The following STARD13 variants were observed in gnomAD, a reference collection of about 807,000 sequenced individuals.
STARD13 encodes stAR-related lipid transfer protein 13.
A neutral mutation model predicts 106.4 loss-of-function variants in STARD13; 62 were observed. The ratio of observed to expected loss-of-function variants is 0.58; its 90% confidence interval spans 0.48 to 0.72. The LOEUF (loss-of-function observed/expected upper bound fraction) is 0.72. Ranked by LOEUF, STARD13 falls within the 30% of genes least tolerant of loss-of-function variation. STARD13 has a pLI of 0.00. For synonymous variants in STARD13, 565 were observed against 553.0 expected (o/e 1.02, Z -0.31); for missense variants, 1,387 against 1,424.0 (o/e 0.97, Z 0.42).
rs139682637 is a variant in STARD13, at chr13:33,160,423, T to G, written c.323+4914A>C. Reference sequence around the variant, plus strand: ...TTAGATATGACATTAAAAGCATAAATAAAAATAGGTAAAACTGGACTTCAG... The same window carrying G: ...TTAGATATGACATTAAAAGCATAAAGAAAAATAGGTAAAACTGGACTTCAG... On this transcript the variant is annotated intron_variant, in intron 3 of 13. Coordinates refer to ENST00000336934, the MANE Select transcript of STARD13 (RefSeq NM_178006.4). Among the ~76,000 whole-genome samples, 211 of 152,116 alleles carry G rather than the reference T, an allele frequency of 1.4e-3. 1 individual carries two copies. The highest frequency in any genetic ancestry group is 4.9e-3 in the African/African-American group (205 of 41,514).
chr13:33,230,794 C>T (rs896406955), intron 1 of STARD13, among the ~76,000 whole-genome samples: 3 of 152,198 alleles, frequency 2.0e-5, no homozygotes, highest in African/African-American at 4.8e-5. Context: ...GCAAAGTACT[C>T]TTAAGTACCC....
chr13:33,393,401 G>T, the STARD13 span, among the ~76,000 whole-genome samples: 1 of 152,188 alleles, frequency 6.6e-6, no homozygotes, highest in Admixed American at 6.5e-5. Context: ...TGTCAGCATG[G>T]TGTAGTGGGC....
At chr13:33,372,726 TCA>T in the STARD13 span, among the ~76,000 whole-genome samples, 1 of 151,608 alleles carries the variant, frequency 6.6e-6, no homozygotes, top group Non-Finnish European at 1.5e-5. Context: ...TGAAAATAAA[TCA>T]CAAAGCAAAA....
intron 3 of STARD13, among the ~76,000 whole-genome samples, chr13:33,152,400 C>T (rs1473812): frequency 0.39 from 57,439 of 146,912 alleles, 11,095 homozygotes; most frequent in Middle Eastern, 0.42. Flanking sequence ...CTGCTAACCC[C>T]GAGGCTTCAG....
chr13:33,333,853 C>A (rs1218346449), intron 1 of STARD13: 2 of 152,142 alleles, frequency 1.3e-5, no homozygotes, highest in Non-Finnish European at 2.9e-5. Context: ...GAATGAGTGG[C>A]CAAGTATGAT....
chr13:33,218,834 C>G (rs570428027), intron 1 of STARD13, among the ~76,000 whole-genome samples: 2 of 152,250 alleles, frequency 1.3e-5, no homozygotes, highest in South Asian at 4.1e-4. Context: ...ATTAAAAAGA[C>G]AGGGAAGGAT....
intron 5 of STARD13, among the ~76,000 whole-genome samples, chr13:33,128,112 A>T (rs1268834718): frequency 6.6e-6 from 1 of 151,942 alleles, no homozygotes; most frequent in Non-Finnish European, 1.5e-5. Context: ...GAGAGAGGGA[A>T]GACAGAGATA....
the STARD13 span, among the ~76,000 whole-genome samples, chr13:33,640,106 C>G: frequency 6.6e-6 from 1 of 152,120 alleles, no homozygotes; most frequent in Non-Finnish European, 1.5e-5. Flanking sequence ...AGATATTCTC[C>G]TTGTGCTTCT....
chr13:33,464,466 C>T, the STARD13 span, among the ~76,000 whole-genome samples: 4 of 152,060 alleles, frequency 2.6e-5, no homozygotes, highest in Non-Finnish European at 4.4e-5. Context: ...GCTTCATTGC[C>T]CTTTAAAGCC....
At chr13:33,489,860 T>C in the STARD13 span, among the ~76,000 whole-genome samples, 3 of 152,194 alleles carry the variant, frequency 2.0e-5, no homozygotes, top group Non-Finnish European at 2.9e-5. Flanking sequence ...AGACCAGAAA[T>C]GTAACCCATT....
Position 33,130,399 on chromosome 13 carries a change from C to G in STARD13, c.388-110G>C, listed in dbSNP as rs907144996. On this transcript the variant is annotated intron_variant, in intron 4 of 13. Coordinates refer to ENST00000336934, the MANE Select transcript of STARD13 (RefSeq NM_178006.4). The surrounding 1 kb of genome is among the most constrained non-coding windows in gnomAD (Gnocchi z 4.1). ...GTCCTCCACCTCCCTCCCCTCTGTC[C>G]TCCCATGCACAGGTGTGAGCTTCTT... 72 of 1,045,594 alleles carry G rather than the reference C, an allele frequency of 6.9e-5. No homozygotes were observed. The highest frequency in any genetic ancestry group is 9.2e-5 in the Non-Finnish European group (66 of 719,694). The allele number at this position is 1,045,594 out of a possible 1,614,324, so 64.8% of individuals were successfully genotyped here.
At chr13:33,399,261 T>A in the STARD13 span, among the ~76,000 whole-genome samples, 1 of 152,156 alleles carries the variant, frequency 6.6e-6, no homozygotes, top group Non-Finnish European at 1.5e-5. Flanking sequence ...TGCTCTCACT[T>A]ATATATGGAA....
intron 1 of STARD13, chr13:33,276,852 A>C (rs1312692979): frequency 2.0e-5 from 3 of 152,176 alleles, no homozygotes; most frequent in African/African-American, 7.2e-5. Context: ...TTTGTATTTT[A>C]GTAAGCTCTG....
At chr13:33,467,300 A>G in the STARD13 span, among the ~76,000 whole-genome samples, 3 of 152,006 alleles carry the variant, frequency 2.0e-5, no homozygotes, top group Non-Finnish European at 4.4e-5. Context: ...TAAGGAGGGC[A>G]CAACCTAGAA....
chr13:33,383,416 G>C, the STARD13 span, among the ~76,000 whole-genome samples: 2 of 152,044 alleles, frequency 1.3e-5, no homozygotes, highest in African/African-American at 4.8e-5. Context: ...GCAGGGACCA[G>C]TGTAACTGGC....
At chr13:33,663,412 C>T in the STARD13 span, among the ~76,000 whole-genome samples, 3 of 151,942 alleles carry the variant, frequency 2.0e-5, no homozygotes, top group African/African-American at 7.3e-5. Flanking sequence ...TGCTTAGCTG[C>T]TAGGGTATAG....
the STARD13 span, among the ~76,000 whole-genome samples, chr13:33,521,414 T>C: frequency 6.6e-6 from 1 of 152,120 alleles, no homozygotes; most frequent in Non-Finnish European, 1.5e-5. Flanking sequence ...GAGTTGACTC[T>C]TTAGAAGTTG....
intron 1 of STARD13, among the ~76,000 whole-genome samples, chr13:33,184,892 GATTT>G (rs1333926225): frequency 2.0e-5 from 3 of 152,126 alleles, no homozygotes; most frequent in Non-Finnish European, 2.9e-5. Flanking sequence ...ACTTCCAATG[GATTT>G]ATTTATTTCC....
chr13:33,397,753 G>A, the STARD13 span, among the ~76,000 whole-genome samples: 1 of 152,140 alleles, frequency 6.6e-6, no homozygotes, highest in East Asian at 1.9e-4. Flanking sequence ...AGACTGGGTG[G>A]CTTACAAATA....
Sources: allele counts gnomAD v4.1 joint callset (sites outside exome capture counted in the v4.1 genomes callset), GRCh38; gene constraint gnomAD v4.1.1; non-coding constraint Gnocchi (gnomAD v3.1); transcripts MANE v1.5; gene names NCBI Gene and HGNC (gene_info 2026-07-23, HGNC 2026-07-21).